LAMA2: variants seen among roughly 807,000 people sequenced by gnomAD.
LAMA2 encodes laminin subunit alpha-2.
In LAMA2, 269 loss-of-function variants were observed where a neutral mutation model predicts 364.8. That is an observed-to-expected ratio of 0.74 (90% CI 0.67 to 0.82). The LOEUF (loss-of-function observed/expected upper bound fraction) is 0.82, where lower values mean the gene tolerates loss of function less well. Among genes scored for constraint, LAMA2 ranks in the 40% least tolerant of loss-of-function variants. The pLI, the probability that LAMA2 is intolerant of heterozygous loss-of-function variation, is 0.00. For synonymous variants in LAMA2, 1,379 were observed against 1,370.6 expected (o/e 1.01, Z -0.14); for missense variants, 3,807 against 3,873.2 (o/e 0.98, Z 0.45).
chr6:129,255,404 TCA>T (rs1786578483), intron 14 of LAMA2, among the ~76,000 whole-genome samples: 1 of 19,982 alleles, frequency 5.0e-5, no homozygotes, highest in Non-Finnish European at 1.1e-4. Flanking sequence ...AGACTCTGTC[TCA>T]AAAAAAAAAA....
At chr6:129,450,972 T>C (rs1044090104) in intron 45 of LAMA2, among the ~76,000 whole-genome samples, 1 of 152,188 alleles carries the variant, frequency 6.6e-6, no homozygotes, top group South Asian at 2.1e-4. Flanking sequence ...TGCTAAAAAA[T>C]CACTATATCT....
At chr6:129,007,828 T>C (rs529518264) in intron 1 of LAMA2, among the ~76,000 whole-genome samples, 1 of 152,346 alleles carries the variant, frequency 6.6e-6, no homozygotes, top group Admixed American at 6.5e-5. Context: ...CACTGTATTG[T>C]CAGTAAAATG....
intron 4 of LAMA2, among the ~76,000 whole-genome samples, chr6:129,136,334 G>A (rs1168459254): frequency 2.0e-5 from 3 of 152,140 alleles, no homozygotes; most frequent in Non-Finnish European, 4.4e-5. Context: ...TAGAGACTTT[G>A]ATAAAATTGG....
Position 129,250,221 on chromosome 6 carries a change from A to G in LAMA2, c.1884+8A>G. 1 of 1,480,682 alleles carries G rather than the reference A, an allele frequency of 6.8e-7. No homozygotes were observed. Among genetic ancestry groups the G allele is most frequent in the South Asian group, 1.1e-5 (1 of 88,202 alleles). The allele number at this position is 1,480,682 out of a possible 1,614,324, so 91.7% of individuals were successfully genotyped here. ...CTTATGATTATCTTAGAGGTAGAGTACTGAGAGCATGTTCACCCGTGTTAC... is the reference window on the plus strand; with the variant it reads ...CTTATGATTATCTTAGAGGTAGAGTGCTGAGAGCATGTTCACCCGTGTTAC... On this transcript the variant is annotated splice_region_variant and intron_variant, in intron 13 of 64. Coordinates refer to ENST00000421865, the MANE Select transcript of LAMA2 (RefSeq NM_000426.4).
chr6:129,237,527 G>C (rs903330512), intron 12 of LAMA2, among the ~76,000 whole-genome samples: 6 of 151,830 alleles, frequency 4.0e-5, no homozygotes, highest in East Asian at 1.9e-4. Flanking sequence ...GTAGAGACAG[G>C]GTTTCACCAT....
chr6:128,938,548 GA>G (rs1779972318), intron 1 of LAMA2, among the ~76,000 whole-genome samples: 3 of 152,144 alleles, frequency 2.0e-5, no homozygotes. Flanking sequence ...ACAAGGACCT[GA>G]ACTTTACCAC....
chr6:129,085,659 CGGA>C (rs1562225514), intron 3 of LAMA2, among the ~76,000 whole-genome samples: 40 of 152,258 alleles, frequency 2.6e-4, no homozygotes, highest in African/African-American at 8.9e-4. Flanking sequence ...ATGAAAAGGA[CGGA>C]GGAGTTCTCT....
chr6:129,253,925 T>C (rs1407133075), intron 14 of LAMA2, among the ~76,000 whole-genome samples: 1 of 152,200 alleles, frequency 6.6e-6, no homozygotes, highest in African/African-American at 2.4e-5. Flanking sequence ...CTACATTACC[T>C]AAAGCACTGT....
chr6:128,898,805 T>C (rs757789117), intron 1 of LAMA2, among the ~76,000 whole-genome samples: 13 of 152,242 alleles, frequency 8.5e-5, no homozygotes, highest in South Asian at 4.1e-4. Flanking sequence ...CTTGTATTTT[T>C]CTCTGATTTC....
chr6:129,419,673 G>T (rs970087557), intron 40 of LAMA2, among the ~76,000 whole-genome samples: 1 of 152,034 alleles, frequency 6.6e-6, no homozygotes, highest in Non-Finnish European at 1.5e-5. Context: ...TCACACTCAC[G>T]AATTTTAAAT....
intron 14 of LAMA2, among the ~76,000 whole-genome samples, chr6:129,252,797 A>G (rs1333139257): frequency 6.6e-6 from 1 of 152,238 alleles, no homozygotes; most frequent in Admixed American, 6.5e-5. Context: ...TATAACAGCC[A>G]TATGGTATAA....
chr6:129,223,439 T>C (rs1383577849), intron 12 of LAMA2, among the ~76,000 whole-genome samples: 1 of 152,198 alleles, frequency 6.6e-6, no homozygotes, highest in African/African-American at 2.4e-5. Context: ...CTCAATGGTA[T>C]TGCCTAGGTT....
intron 1 of LAMA2, among the ~76,000 whole-genome samples, chr6:128,987,325 G>A (rs938867774): frequency 6.6e-6 from 1 of 151,462 alleles, no homozygotes; most frequent in Admixed American, 6.6e-5. Context: ...CGCATTTTTG[G>A]TAGAGACGGG....
At chr6:129,167,995 A>T (rs1233970233) in intron 9 of LAMA2, among the ~76,000 whole-genome samples, 1 of 151,084 alleles carries the variant, frequency 6.6e-6, no homozygotes, top group East Asian at 1.9e-4. Flanking sequence ...TCCTTCGCCC[A>T]CTTGTTGATG....
intron 21 of LAMA2, among the ~76,000 whole-genome samples, chr6:129,299,571 T>A (rs1181316185): frequency 2.0e-5 from 3 of 152,186 alleles, no homozygotes; most frequent in African/African-American, 4.8e-5. Context: ...AAGTAATGAT[T>A]TGCACTGTCC....
intron 4 of LAMA2, among the ~76,000 whole-genome samples, chr6:129,138,051 A>G (rs1174929480): frequency 6.6e-6 from 1 of 152,168 alleles, no homozygotes; most frequent in African/African-American, 2.4e-5. Context: ...GCAAGCAGTG[A>G]GAACACAGAA....
chr6:129,478,637 T>C, intron 53 of LAMA2, 56 bp from the exon 54 acceptor site: 1 of 1,595,068 alleles, frequency 6.3e-7, no homozygotes, highest in East Asian at 2.2e-5. Flanking sequence ...AGTCAGAGAC[T>C]ACACTACCAT....
chr6:129,131,370 C>A (rs1317933246), intron 4 of LAMA2, among the ~76,000 whole-genome samples: 1 of 152,262 alleles, frequency 6.6e-6, no homozygotes, highest in East Asian at 1.9e-4. Flanking sequence ...CCTGCATGGA[C>A]CCGACAGAAA....
chr6:129,193,586 T>A (rs1240711436), intron 12 of LAMA2, among the ~76,000 whole-genome samples: 2 of 152,238 alleles, frequency 1.3e-5, no homozygotes, highest in Non-Finnish European at 2.9e-5. Flanking sequence ...AAACAAAATT[T>A]GGTGACTTAT....
Sources: gnomAD v4.1 joint callset for allele counts (sites outside exome capture counted in the v4.1 genomes callset) on GRCh38, gnomAD v4.1.1 for gene constraint, MANE v1.5 for transcripts, NCBI Gene and HGNC (gene_info 2026-07-23, HGNC 2026-07-21) for gene names.